The following ZIM3 variants were observed in gnomAD, a reference collection of about 807,000 sequenced individuals.
ZIM3 encodes the protein zinc finger imprinted 3, also known as zinc finger protein 657.
In ZIM3, 11 loss-of-function variants were observed where a neutral mutation model predicts 12.9. The ratio of observed to expected loss-of-function variants is 0.85; its 90% CI spans 0.54 to 1.41. ZIM3 has a LOEUF of 1.41. Among genes scored for constraint, ZIM3 ranks in the 40% most tolerant of loss-of-function variants. ZIM3 has a pLI of 0.00. For missense variants in ZIM3, 604 were observed against 557.2 expected, an observed-to-expected ratio of 1.08 and a Z score of -0.85; for synonymous variants, 205 against 198.5, an observed-to-expected ratio of 1.03 and a Z score of -0.28.
rs2086879406 is a variant in ZIM3, at chr19:57,135,093, C to A, written c.1244G>T (p.Gly415Val). 6.2e-7 allele frequency: 1 copy of A among 1,614,058 alleles called. No individual in the cohort carries two copies. Among genetic ancestry groups the A allele is most frequent in the Admixed American group, 1.7e-5 (1 of 60,002 alleles). The change falls in exon 5 of 5, where the codon GGA becomes GTA. Residue 415 changes from glycine (G) to valine (V), a missense_variant. Transcript: ENST00000269834. ...TTCACTACATCTATAGGTCCTCTCTCCGCTATGAGTTTTCTGATGGCTATG... is the reference window on the plus strand; with the variant it reads ...TTCACTACATCTATAGGTCCTCTCTACGCTATGAGTTTTCTGATGGCTATG... ...NLHSHQKTHS[G>V]ERTYRCSECG...
intron 2 of ZIM3, 111 bp downstream of exon 2, chr19:57,142,518 G>T: frequency 8.9e-7 from 1 of 1,120,372 alleles, no homozygotes; most frequent in Non-Finnish European, 1.3e-6. Context: ...ATAGAAGTAT[G>T]GAAGGAAGGA....
In ZIM3 at chr19:57,135,843, T is replaced by C. The variant is rs74974582; in HGVS notation, c.494A>G (p.Gln165Arg). The C allele has an allele frequency of 1.5e-4, 244 of 1,614,182 alleles. No individual in the cohort carries two copies. In the East Asian group the frequency reaches 5.4e-3, roughly 36 times the overall value. Residue 165 changes from glutamine (Q) to arginine (R), a missense_variant, in exon 5 of 5, where the codon CAA (glutamine) becomes CGA (arginine). Gln to Arg is a conservative substitution (Grantham distance 43, BLOSUM62 1). Coordinates refer to ENST00000269834, the MANE Select transcript of ZIM3 (RefSeq NM_052882.1). ...VGNNPSKFVG[Q>R]QLKCNACRKL... ...TCTACAGGCATTACATTTCAGTTGT[T>C]GTCCTACAAATTTGGATGGATTATT...
chr19:57,135,991 T>C lies in ZIM3; in HGVS notation c.346A>G (p.Lys116Glu), dbSNP rs1194320818. Reference sequence around the variant, plus strand: ...TTAGATCCGTCACATTCTACACCTTTCTGCGTAGTCAGCGTTTCCTTATTG... The same window carrying C: ...TTAGATCCGTCACATTCTACACCTTCCTGCGTAGTCAGCGTTTCCTTATTG... ...SINKETLTTQKGVECDGSKKI... is the reference protein window; with the variant it reads ...SINKETLTTQEGVECDGSKKI... Residue 116 changes from lysine (K) to glutamate (E), a missense_variant, in exon 5 of 5, where the codon AAA becomes GAA. Lys to Glu is a moderately conservative substitution (Grantham distance 56, BLOSUM62 1). Coordinates refer to ENST00000269834, the MANE Select transcript of ZIM3 (RefSeq NM_052882.1). 1.9e-6 allele frequency: 3 copies of C among 1,614,206 alleles called. No homozygotes were observed. Among genetic ancestry groups the C allele is most frequent in the South Asian group, 2.2e-5 (2 of 91,080 alleles).
intron 2 of ZIM3, among the ~76,000 whole-genome samples, chr19:57,140,985 G>A (rs1362739986): frequency 6.6e-6 from 1 of 152,140 alleles, no homozygotes; most frequent in Non-Finnish European, 1.5e-5. Context: ...ACAAAGTTGG[G>A]AGAGGACACA....
chr19:57,139,279 G>T (rs2086903354), intron 2 of ZIM3, among the ~76,000 whole-genome samples: 1 of 151,574 alleles, frequency 6.6e-6, no homozygotes, highest in Middle Eastern at 3.4e-3. Flanking sequence ...AGTGAGCCAA[G>T]ATTGCGCCAC....
At position 57,134,707 on chromosome 19, in the gene ZIM3, C is replaced by T. The variant is rs1214438450; in HGVS notation, c.*211G>A. 8 of 536,138 alleles carry T rather than the reference C, an allele frequency of 1.5e-5. No homozygotes were observed. Among genetic ancestry groups the T allele is most frequent in the Non-Finnish European group, 6.5e-6 (2 of 307,330 alleles). The allele number at this position is 536,138 out of a possible 1,614,324, so 33.2% of individuals were successfully genotyped here. A position where few individuals can be genotyped will look rare whatever the true frequency, so the allele number is the denominator to read the frequency against. ...CTACATCTTCAGTGTTTAAGAGTTC[C>T]TGGTACACAAAAGGCATCTAATAAA... On this transcript the variant is annotated 3_prime_UTR_variant, in exon 5 of 5. Coordinates refer to ENST00000269834, the MANE Select transcript of ZIM3 (RefSeq NM_052882.1).
At chr19:57,141,013 A>G (rs1353970887) in intron 2 of ZIM3, among the ~76,000 whole-genome samples, 1 of 152,194 alleles carries the variant, frequency 6.6e-6, no homozygotes, top group African/African-American at 2.4e-5. Context: ...GACACCAATC[A>G]TTTAAAAAAT....
chr19:57,140,648 A>C (rs2086909708), intron 2 of ZIM3, among the ~76,000 whole-genome samples: 1 of 151,392 alleles, frequency 6.6e-6, no homozygotes, highest in Non-Finnish European at 1.5e-5. Flanking sequence ...CTCATTTTTT[A>C]TTATTTGTAG....
Position 57,135,700 on chromosome 19 carries a change from G to GT in ZIM3, c.636dup (p.His213ThrfsTer12), listed in dbSNP as rs755002491. 6.2e-7 allele frequency: 1 copy of GT among 1,613,736 alleles called. No individual in the cohort carries two copies. The highest frequency in any genetic ancestry group is 8.5e-7 in the Non-Finnish European group (1 of 1,179,988). On this transcript the variant is annotated frameshift_variant, in exon 5 of 5. Coordinates refer to ENST00000269834, the MANE Select transcript of ZIM3 (RefSeq NM_052882.1). LOFTEE classifies it low-confidence loss of function (END_TRUNC). ...CTTTCCTCTGCGTGAGTTTTCTGAT[G>GT]TTTATCAAGCTTCCACTTCTCCCCG...
chr19:57,142,271 G>A (rs966078511), intron 2 of ZIM3, among the ~76,000 whole-genome samples: 2 of 151,034 alleles, frequency 1.3e-5, no homozygotes, highest in African/African-American at 4.9e-5. Context: ...CGCCTCCAGA[G>A]TAGCTGAGAC....
intron 2 of ZIM3, among the ~76,000 whole-genome samples, chr19:57,140,377 T>G (rs914738615): frequency 1.3e-5 from 2 of 152,060 alleles, no homozygotes; most frequent in African/African-American, 4.8e-5. Context: ...GGTTTCACCA[T>G]GTTGGCCAGG....
chr19:57,134,862 G>C lies in ZIM3; in HGVS notation c.*56C>G. 1 of 1,512,050 alleles carries C rather than the reference G, an allele frequency of 6.6e-7. No individual in the cohort carries two copies. Among genetic ancestry groups the C allele is most frequent in the Admixed American group, 2.1e-5 (1 of 46,790 alleles). The allele number at this position is 1,512,050 out of a possible 1,614,324, so 93.7% of individuals were successfully genotyped here. On this transcript the variant is annotated 3_prime_UTR_variant, in exon 5 of 5. Coordinates refer to ENST00000269834, the MANE Select transcript of ZIM3 (RefSeq NM_052882.1). The stretch of plus-strand genomic sequence containing the variant: ...GAGGCCATTTCAACATGGAATTCTG[G>C]GGTGACAATTCCAGGCAACCATATC...
chr19:57,137,920 A>G lies in ZIM3; in HGVS notation c.142+552T>C, dbSNP rs777135403. 3.7e-3 allele frequency among the ~76,000 whole-genome samples: 152 copies of G among 41,026 alleles called. 2 individuals are homozygous for G. Among genetic ancestry groups the G allele is most frequent in the Middle Eastern group, 0.013 (1 of 78 alleles). The allele number at this position is 41,026 out of a possible 152,430, so 26.9% of individuals were successfully genotyped here. On this transcript the variant is annotated intron_variant, in intron 3 of 4. Transcript: ENST00000269834. ...GAAGGAAAGAAGGAAGGAAGGAAGG[A>G]AAGAAGGAAGGAAGGAAGGAAGGAA... is the stretch of plus-strand genomic sequence containing the variant.
intron 1 of ZIM3, among the ~76,000 whole-genome samples, chr19:57,143,536 CT>C (rs2086924418): frequency 6.6e-6 from 1 of 152,098 alleles, no homozygotes; most frequent in South Asian, 2.1e-4. Context: ...AGCCCTTCAG[CT>C]TTGCCATAAG....
chr19:57,142,375 C>T (rs1164998906), intron 2 of ZIM3, among the ~76,000 whole-genome samples: 2 of 152,006 alleles, frequency 1.3e-5, no homozygotes, highest in Admixed American at 6.6e-5. Context: ...CTCCTGAACT[C>T]AAGCGATCCG....
chr19:57,139,802 T>A (rs1266467944), intron 2 of ZIM3, among the ~76,000 whole-genome samples: 1 of 152,186 alleles, frequency 6.6e-6, no homozygotes, highest in African/African-American at 2.4e-5. Flanking sequence ...CTGACTGTAA[T>A]CTATTTTCCA....
intron 3 of ZIM3, among the ~76,000 whole-genome samples, chr19:57,138,012 A>T (rs2086896544): frequency 1.4e-5 from 1 of 70,910 alleles, no homozygotes; most frequent in African/African-American, 5.8e-5. Context: ...AGAAGGAAGG[A>T]AGGAAGGAAA....
intron 1 of ZIM3, among the ~76,000 whole-genome samples, chr19:57,143,292 C>T (rs2086922576): frequency 6.6e-6 from 1 of 151,164 alleles, no homozygotes; most frequent in South Asian, 2.1e-4. Context: ...GATCGCGCCA[C>T]CGCACTCCAG....
At chr19:57,138,770 C>A (rs1382011722) in intron 2 of ZIM3, among the ~76,000 whole-genome samples, 172 bp from the exon 3 acceptor site, 2 of 152,108 alleles carry the variant, frequency 1.3e-5, no homozygotes, top group Non-Finnish European at 2.9e-5. Context: ...AACCTTAGAC[C>A]TACTCATGAC....
Sources: gnomAD v4.1 joint callset for allele counts (sites outside exome capture counted in the v4.1 genomes callset) on GRCh38, gnomAD v4.1.1 for gene constraint, MANE v1.5 for transcripts, NCBI Gene and HGNC (gene_info 2026-07-23, HGNC 2026-07-21) for gene names.